Variants in CNTN5 observed in about 807,000 individuals in gnomAD.
CNTN5 encodes contactin 5.
In CNTN5, 77 loss-of-function variants were observed where a neutral mutation model predicts 129.1. The observed-to-expected ratio is 0.60, with a 90% CI of 0.50 to 0.72. CNTN5 has a LOEUF of 0.72. Among genes scored for constraint, CNTN5 ranks in the 30% least tolerant of loss-of-function variants. The pLI is 0.00. For missense variants in CNTN5, 1,478 were observed against 1,328.8 expected (o/e 1.11, Z -1.75); for synonymous variants, 509 against 465.6 (o/e 1.09, Z -1.20).
chr11:99,847,624 A>G (rs941537971), intron 6 of CNTN5, among the ~76,000 whole-genome samples: 1 of 152,174 alleles, frequency 6.6e-6, no homozygotes, highest in African/African-American at 2.4e-5. Flanking sequence ...CTCCACCTAG[A>G]TGCCATTATG....
intron 2 of CNTN5, among the ~76,000 whole-genome samples, chr11:99,526,843 C>G (rs1947506196): frequency 6.6e-6 from 1 of 152,208 alleles, no homozygotes; most frequent in South Asian, 2.1e-4. Context: ...ACTCAGCCAA[C>G]ACACAGAAAA....
At chr11:99,469,213 A>G (rs1945073276) in intron 2 of CNTN5, among the ~76,000 whole-genome samples, 1 of 152,108 alleles carries the variant, frequency 6.6e-6, no homozygotes, top group Non-Finnish European at 1.5e-5. Context: ...ATTATGTTCA[A>G]AATAGCGAAT....
chr11:100,201,618 C>T lies in CNTN5; in HGVS notation c.1884+7955C>T, dbSNP rs989588491. Among the ~76,000 whole-genome samples, 6 of 151,286 alleles carry T rather than the reference C, an allele frequency of 4.0e-5. 1 individual carries two copies. In the Admixed American group the frequency reaches 4.0e-4, roughly 10 times the overall value. On this transcript the variant is annotated intron_variant, in intron 15 of 24. Coordinates refer to ENST00000524871, the MANE Select transcript of CNTN5 (RefSeq NM_014361.4). ...ATAATTTTTCAATATATCTCTACCT[C>T]CCTCCTGTTTTCCTTTACTTGTCTT...
At chr11:99,916,014 C>G (rs1003801217) in intron 6 of CNTN5, 40 bp from the exon 7 acceptor site, 4 of 1,473,196 alleles carry the variant, frequency 2.7e-6, no homozygotes, top group Admixed American at 3.6e-5. Flanking sequence ...TCTTTACATT[C>G]TTTTCTGCCT....
intron 9 of CNTN5, among the ~76,000 whole-genome samples, chr11:100,040,139 G>A (rs1326625100): frequency 6.6e-6 from 1 of 151,624 alleles, no homozygotes; most frequent in Non-Finnish European, 1.5e-5. Flanking sequence ...ACGTACAGAT[G>A]GGTTTTTGGT....
intron 1 of CNTN5, among the ~76,000 whole-genome samples, chr11:99,171,362 G>T (rs963265291): frequency 2.6e-5 from 4 of 152,138 alleles, no homozygotes; most frequent in African/African-American, 9.7e-5. Flanking sequence ...GCCTAATTTT[G>T]CTTCGCAGAT....
intron 2 of CNTN5, among the ~76,000 whole-genome samples, chr11:99,436,612 T>C (rs749228919): frequency 1.3e-5 from 2 of 152,198 alleles, no homozygotes; most frequent in African/African-American, 2.4e-5. Flanking sequence ...GCTCATCTGA[T>C]AGGTAAATCC....
intron 13 of CNTN5, among the ~76,000 whole-genome samples, chr11:100,126,166 A>G (rs1946177555): frequency 6.6e-6 from 1 of 152,028 alleles, no homozygotes. Flanking sequence ...ACCCAAGAGT[A>G]TGGTTGGGAT....
chr11:99,163,129 T>G (rs1860698677), intron 1 of CNTN5, among the ~76,000 whole-genome samples: 1 of 152,194 alleles, frequency 6.6e-6, no homozygotes, highest in Admixed American at 6.5e-5. Flanking sequence ...CAACAGTTTT[T>G]ATGGCTCTTG....
intron 13 of CNTN5, among the ~76,000 whole-genome samples, chr11:100,081,034 C>A (rs551088722): frequency 6.6e-6 from 1 of 152,012 alleles, no homozygotes; most frequent in Admixed American, 6.6e-5. Context: ...AAGGAAATGG[C>A]CTTACATTCA....
chr11:100,092,098 T>C (rs1354378095), intron 13 of CNTN5, among the ~76,000 whole-genome samples: 2 of 152,144 alleles, frequency 1.3e-5, no homozygotes, highest in African/African-American at 4.8e-5. Flanking sequence ...AATTACTTTT[T>C]TATGGTTAAA....
chr11:99,780,073 T>C (rs1591159225), intron 3 of CNTN5, among the ~76,000 whole-genome samples: 1 of 152,042 alleles, frequency 6.6e-6, no homozygotes, highest in East Asian at 1.9e-4. Flanking sequence ...ATATAGAGAC[T>C]GTCATGATCC....
chr11:100,328,573 G>A (rs1263841952), intron 21 of CNTN5, among the ~76,000 whole-genome samples: 1 of 152,122 alleles, frequency 6.6e-6, no homozygotes, highest in Non-Finnish European at 1.5e-5. Flanking sequence ...GAAGAGACAG[G>A]TGGGAGGTGC....
At position 99,478,248 on chromosome 11, in the gene CNTN5, G is replaced by T. The variant is rs2656155; in HGVS notation, c.-70-77897G>T. ...AACTGGGGTTTTATCTGAAGACTCA[G>T]TTGGAAAGGGCTCACTTTCAAGCTT... is the stretch of plus-strand genomic sequence containing the variant. On this transcript the variant is annotated intron_variant, in intron 2 of 24. Coordinates refer to ENST00000524871, the MANE Select transcript of CNTN5 (RefSeq NM_014361.4). 5.0e-3 allele frequency among the ~76,000 whole-genome samples: 767 copies of T among 152,212 alleles called. 10 individuals carry two copies. Among genetic ancestry groups the T allele is most frequent in the Non-Finnish European group, 5.9e-3 (400 of 68,006 alleles).
chr11:99,982,493 A>G lies in CNTN5; in HGVS notation c.878-19541A>G, dbSNP rs1023382511. Among the ~76,000 whole-genome samples the G allele has an allele frequency of 5.3e-5, 8 of 152,318 alleles. No homozygotes were observed. The East Asian group carries it at 1.4e-3, about 26-fold the overall frequency. On this transcript the variant is annotated intron_variant, in intron 8 of 24. Coordinates refer to ENST00000524871, the MANE Select transcript of CNTN5 (RefSeq NM_014361.4). ...TAGAATTATGTCTGTGGAAAGAAAA[A>G]AGAAGCAACACAGAGAAGAAATACT...
At chr11:99,067,602 G>A (rs1327582064) in intron 1 of CNTN5, among the ~76,000 whole-genome samples, 1 of 152,110 alleles carries the variant, frequency 6.6e-6, no homozygotes, top group Non-Finnish European at 1.5e-5. Context: ...AGAGTATTCA[G>A]AAGAGGAGAA....
At chr11:99,658,939 G>A (rs1173228630) in intron 3 of CNTN5, among the ~76,000 whole-genome samples, 2 of 149,500 alleles carry the variant, frequency 1.3e-5, no homozygotes, top group Non-Finnish European at 3.0e-5. Context: ...CCATTGCCCT[G>A]TCTAGAACCC....
intron 7 of CNTN5, among the ~76,000 whole-genome samples, chr11:99,942,081 T>C (rs1408057012): frequency 6.6e-6 from 1 of 152,044 alleles, no homozygotes; most frequent in African/African-American, 2.4e-5. Context: ...CCATTAGCAA[T>C]TTGGGGCAAC....
Position 100,103,021 on chromosome 11 carries a change from C to G in CNTN5, c.1580+28727C>G, listed in dbSNP as rs181617121. Among the ~76,000 whole-genome samples, 416 of 152,248 alleles carry G rather than the reference C, an allele frequency of 2.7e-3. 3 individuals are homozygous for G. Among genetic ancestry groups the G allele is most frequent in the Middle Eastern group, 0.02 (6 of 294 alleles). ...TTTCTAGATGTCCGTGACCTTGTCT[C>G]TAAAATAACGCACTTGGACTTCTAG... On this transcript the variant is annotated intron_variant, in intron 13 of 24. Transcript: ENST00000524871.
Sources: allele counts gnomAD v4.1 joint callset (sites outside exome capture counted in the v4.1 genomes callset), GRCh38; gene constraint gnomAD v4.1.1; transcripts MANE v1.5; gene names NCBI Gene and HGNC (gene_info 2026-07-23, HGNC 2026-07-21).